Variants in NGLY1 observed in about 807,000 individuals in gnomAD.
NGLY1 encodes the protein N-glycanase 1.
NGLY1 carries 68 observed loss-of-function variants against 84.6 expected under a neutral mutation model. The observed-to-expected ratio is 0.80, with a 90% CI of 0.66 to 0.98. The LOEUF is 0.98. NGLY1 is among the 50% of genes least tolerant of loss of function. The probability of loss-of-function intolerance (pLI) is 0.00; values close to 1 mark genes in which losing one functional copy is unlikely to be tolerated. For missense variants in NGLY1, 779 were observed against 770.2 expected, an observed-to-expected ratio of 1.01 and a Z score of -0.14; for synonymous variants, 280 against 275.2, an observed-to-expected ratio of 1.02 and a Z score of -0.17.
intron 8 of NGLY1, 23 bp from the exon 9 acceptor site, chr3:25,732,506 A>C (rs1218408188): frequency 1.2e-6 from 2 of 1,601,614 alleles, no homozygotes; most frequent in African/African-American, 1.3e-5. Context: ...TTTTTTAAAA[A>C]AGTTGTTAAG....
At chr3:25,764,471 CTAAGG>C (rs951151188) in intron 2 of NGLY1, among the ~76,000 whole-genome samples, 160 bp from the exon 3 acceptor site, 6 of 151,832 alleles carry the variant, frequency 4.0e-5, no homozygotes, top group Non-Finnish European at 8.8e-5. Context: ...TAAATACAGC[CTAAGG>C]TAAATAATGC....
upstream of NGLY1, among the ~76,000 whole-genome samples, chr3:25,785,117 C>T (rs1271913573): frequency 3.0e-5 from 4 of 135,526 alleles, no homozygotes. Flanking sequence ...ATTTACAAAT[C>T]CAGGCAGCCT....
intron 4 of NGLY1, among the ~76,000 whole-genome samples, chr3:25,741,732 T>C (rs1706159271): frequency 1.3e-5 from 2 of 152,264 alleles, no homozygotes; most frequent in South Asian, 4.1e-4. Context: ...GGCTCACGCC[T>C]ATAATCCCAG....
chr3:25,761,405 A>C (rs1707318318), intron 3 of NGLY1, among the ~76,000 whole-genome samples: 1 of 152,234 alleles, frequency 6.6e-6, no homozygotes, highest in South Asian at 2.1e-4. Flanking sequence ...ATAAAGGATT[A>C]TCAGAAAGTT....
intron 1 of NGLY1, among the ~76,000 whole-genome samples, chr3:25,779,562 G>A (rs568020523): frequency 6.6e-6 from 1 of 152,028 alleles, no homozygotes; most frequent in South Asian, 2.1e-4. Flanking sequence ...GCAGTATCTG[G>A]GATCCATAGG....
intron 3 of NGLY1, among the ~76,000 whole-genome samples, chr3:25,754,202 T>C (rs75078556): frequency 0.013 from 2,006 of 152,298 alleles, 45 homozygotes; most frequent in African/African-American, 0.046. Context: ...GATATAACGG[T>C]TAAAAATTAA....
At chr3:25,728,237 T>G (rs2125457804) in intron 10 of NGLY1, among the ~76,000 whole-genome samples, 1 of 152,248 alleles carries the variant, frequency 6.6e-6, no homozygotes. Flanking sequence ...TATCTCTGTA[T>G]GTTTTTGGTA....
intron 3 of NGLY1, among the ~76,000 whole-genome samples, chr3:25,759,582 A>G (rs990945360): frequency 1.3e-5 from 2 of 152,174 alleles, no homozygotes; most frequent in South Asian, 4.1e-4. Flanking sequence ...ATTCATTGGC[A>G]CAACTCTGAA....
intron 9 of NGLY1, among the ~76,000 whole-genome samples, chr3:25,731,521 T>C (rs914577832): frequency 4.6e-5 from 7 of 152,122 alleles, no homozygotes; most frequent in Admixed American, 2.6e-4. Context: ...ATAACCATTT[T>C]GAAAAACTGT....
intron 2 of NGLY1, among the ~76,000 whole-genome samples, chr3:25,773,988 T>C (rs539441260): frequency 7.9e-5 from 12 of 152,328 alleles, no homozygotes; most frequent in African/African-American, 2.6e-4. Flanking sequence ...GTCTCAGCCA[T>C]AGATACCAGT....
At chr3:25,767,268 G>A (rs928554702) in intron 2 of NGLY1, among the ~76,000 whole-genome samples, 3 of 151,402 alleles carry the variant, frequency 2.0e-5, no homozygotes, top group African/African-American at 7.3e-5. Flanking sequence ...CTCCAGCCTG[G>A]GCGATAGAAC....
intron 2 of NGLY1, among the ~76,000 whole-genome samples, chr3:25,767,694 T>G (rs1419736473): frequency 1.3e-5 from 2 of 152,222 alleles, no homozygotes; most frequent in Non-Finnish European, 2.9e-5. Context: ...TTGAAAATTT[T>G]GGGATAGGTC....
At chr3:25,725,735 G>T (rs939874724) in intron 10 of NGLY1, among the ~76,000 whole-genome samples, 1 of 151,776 alleles carries the variant, frequency 6.6e-6, no homozygotes, top group South Asian at 2.1e-4. Flanking sequence ...GTTGATTGTT[G>T]TAGAGAGAAC....
At chr3:25,778,987 G>A (rs1708286125) in intron 1 of NGLY1, among the ~76,000 whole-genome samples, 3 of 136,246 alleles carry the variant, frequency 2.2e-5, no homozygotes, top group Admixed American at 8.0e-5. Flanking sequence ...CCAAGCTGGA[G>A]TGCAGTGGCG....
intron 10 of NGLY1, among the ~76,000 whole-genome samples, chr3:25,721,879 T>C (rs1705013006): frequency 6.6e-6 from 1 of 151,864 alleles, no homozygotes; most frequent in Non-Finnish European, 1.5e-5. Flanking sequence ...CTGACCTATC[T>C]TCATCAAATC....
intron 3 of NGLY1, among the ~76,000 whole-genome samples, chr3:25,763,431 C>A (rs1707408952): frequency 1.3e-5 from 2 of 152,166 alleles, no homozygotes; most frequent in Non-Finnish European, 2.9e-5. Flanking sequence ...ACTGTACCAA[C>A]CTTAACTGCA....
At chr3:25,785,681 C>A (rs1391738462), upstream of NGLY1, among the ~76,000 whole-genome samples, 4 of 146,808 alleles carry the variant, frequency 2.7e-5, no homozygotes, top group Non-Finnish European at 4.5e-5. Flanking sequence ...AAAAAAAAAA[C>A]AAAAACAAAA....
At chr3:25,726,656 AT>A (rs1705282450) in intron 10 of NGLY1, among the ~76,000 whole-genome samples, 2 of 152,206 alleles carry the variant, frequency 1.3e-5, no homozygotes, top group Admixed American at 1.3e-4. Context: ...CAAGGACCAG[AT>A]TTGGAAAAGA....
At chr3:25,763,382 G>C (rs1211346065) in intron 3 of NGLY1, among the ~76,000 whole-genome samples, 1 of 152,110 alleles carries the variant, frequency 6.6e-6, no homozygotes, top group Non-Finnish European at 1.5e-5. Context: ...CTAAGAAAAG[G>C]TGTTAAAAAC....
Sources: gnomAD v4.1 joint callset for allele counts (sites outside exome capture counted in the v4.1 genomes callset) on GRCh38, gnomAD v4.1.1 for gene constraint, MANE v1.5 for transcripts, NCBI Gene and HGNC (gene_info 2026-07-23, HGNC 2026-07-21) for gene names.